Variants in ACBD6 observed in about 807,000 individuals in gnomAD.
The protein encoded by ACBD6 is acyl-CoA binding domain containing 6, also known as acyl-CoA-binding domain-containing protein 6.
A neutral mutation model predicts 37.2 loss-of-function variants in ACBD6; 28 were observed. The observed-to-expected ratio is 0.75, with a 90% CI of 0.56 to 1.03. The LOEUF (loss-of-function observed/expected upper bound fraction) is 1.03. Ranked by LOEUF, ACBD6 falls within the 50% of genes least tolerant of loss-of-function variation. The probability of loss-of-function intolerance (pLI) is 0.00; values close to 1 mark genes in which losing one functional copy is unlikely to be tolerated. For missense variants in ACBD6, 340 were observed against 337.4 expected (o/e 1.01, Z -0.06); for synonymous variants, 113 against 126.8 (o/e 0.89, Z 0.73).
chr1:180,283,058 G>A (rs1287748612), intron 8 of ACBD6, among the ~76,000 whole-genome samples: 1 of 149,004 alleles, frequency 6.7e-6, no homozygotes, highest in East Asian at 2.0e-4. Context: ...TAAGCTTTGG[G>A]CTCCACAAAT....
At chr1:180,420,399 G>A (rs1428021816) in intron 4 of ACBD6, among the ~76,000 whole-genome samples, 1 of 152,190 alleles carries the variant, frequency 6.6e-6, no homozygotes, top group Non-Finnish European at 1.5e-5. Context: ...TATAATGACA[G>A]CATCTCCAAT....
intron 6 of ACBD6, among the ~76,000 whole-genome samples, chr1:180,348,638 T>C (rs1026334509): frequency 2.4e-4 from 36 of 152,218 alleles, no homozygotes; most frequent in African/African-American, 8.7e-4. Flanking sequence ...GTATGAATGC[T>C]GAAGTGTCTG....
rs1648830476 is a variant in ACBD6, at chr1:180,431,982, G to A, written c.385-1720C>T. Among the ~76,000 whole-genome samples the A allele has an allele frequency of 2.6e-5, 4 of 152,122 alleles. No homozygotes were observed. In the South Asian group the frequency reaches 8.3e-4, roughly 31 times the overall value. The stretch of plus-strand genomic sequence containing the variant: ...GCACTTTGGGAGGCTGAGGCAGGTG[G>A]ATCTCTTGAAGCCAGGAGTTTGAGA... On this transcript the variant is annotated intron_variant, in intron 3 of 7. Transcript: ENST00000367595.
intron 4 of ACBD6, among the ~76,000 whole-genome samples, chr1:180,415,967 T>A (rs934832889): frequency 6.6e-6 from 1 of 152,198 alleles, no homozygotes; most frequent in Admixed American, 6.5e-5. Context: ...CATCACCAAA[T>A]ATGCTAGGCA....
At chr1:180,314,603 T>G in intron 7 of ACBD6, 89 bp downstream of exon 7, 1 of 1,111,676 alleles carries the variant, frequency 9.0e-7, no homozygotes, top group Non-Finnish European at 1.3e-6. Context: ...GGTACCTATC[T>G]AAGCACTATA....
chr1:180,280,252 TGA>T (rs1008982722), intron 9 of ACBD6, among the ~76,000 whole-genome samples: 3 of 152,218 alleles, frequency 2.0e-5, no homozygotes, highest in African/African-American at 7.2e-5. Flanking sequence ...TGAAATATTC[TGA>T]GACTCCTTAG....
intron 6 of ACBD6, 43 bp downstream of exon 6, chr1:180,397,473 T>C (rs1654306717): frequency 6.6e-7 from 1 of 1,519,900 alleles, no homozygotes; most frequent in Non-Finnish European, 9.1e-7. Context: ...ATGCGAATTA[T>C]ACTTCAATTT....
At chr1:180,427,058 T>C (rs1305655929) in intron 4 of ACBD6, among the ~76,000 whole-genome samples, 1 of 152,206 alleles carries the variant, frequency 6.6e-6, no homozygotes, top group East Asian at 1.9e-4. Context: ...ATATTGATAC[T>C]TTCTATGACA....
At chr1:180,432,077 C>A (rs949289946) in intron 3 of ACBD6, among the ~76,000 whole-genome samples, 1 of 151,860 alleles carries the variant, frequency 6.6e-6, no homozygotes, top group African/African-American at 2.4e-5. Context: ...CATGGTGGTG[C>A]GTGACTGTAG....
intron 6 of ACBD6, among the ~76,000 whole-genome samples, chr1:180,378,318 T>C (rs954361651): frequency 5.3e-5 from 8 of 152,118 alleles, no homozygotes. Context: ...ATAATTAAAG[T>C]ATAAGGAACG....
chr1:180,355,233 A>G (rs973125485), intron 6 of ACBD6, among the ~76,000 whole-genome samples: 1 of 152,202 alleles, frequency 6.6e-6, no homozygotes, highest in African/African-American at 2.4e-5. Flanking sequence ...CCAAGGTCAC[A>G]TGATTTGTAA....
intron 6 of ACBD6, among the ~76,000 whole-genome samples, chr1:180,378,413 C>T (rs528103659): frequency 3.3e-5 from 5 of 152,270 alleles, no homozygotes; most frequent in East Asian, 3.9e-4. Context: ...AGTAGAAAAA[C>T]TGTTGAAATT....
chr1:180,302,661 C>T (rs982204295), intron 7 of ACBD6, among the ~76,000 whole-genome samples: 1 of 151,726 alleles, frequency 6.6e-6, no homozygotes, highest in African/African-American at 2.4e-5. Context: ...TAATGGGAGA[C>T]TTTAACACCC....
intron 2 of ACBD6, among the ~76,000 whole-genome samples, chr1:180,494,711 T>A (rs1162978410): frequency 6.6e-6 from 1 of 152,186 alleles, no homozygotes; most frequent in Non-Finnish European, 1.5e-5. Flanking sequence ...CTTTTCTAAC[T>A]CTACCTTCTA....
rs112467064 is a variant in ACBD6 at position 180,358,555 on chromosome 1, C to CA, written c.663+38960_663+38961insT. Among the ~76,000 whole-genome samples, 766 of 148,482 alleles carry CA rather than the reference C, an allele frequency of 5.2e-3. 6 individuals carry two copies. Among genetic ancestry groups the CA allele is most frequent in the Non-Finnish European group, 7.6e-3 (509 of 67,174 alleles). On this transcript the variant is annotated intron_variant, in intron 6 of 7. Transcript: ENST00000367595. ...ACATTAGCAATATCATACAGAAACC[C>CA]CAAAAAAAACCCCAAAAGAAAAACA...
chr1:180,338,124 C>T (rs71610919), intron 6 of ACBD6, among the ~76,000 whole-genome samples: 3 of 152,148 alleles, frequency 2.0e-5, no homozygotes, highest in African/African-American at 4.8e-5. Flanking sequence ...TTTATAGATT[C>T]AATGCCATCC....
chr1:180,289,752 A>G (rs2149277474), intron 7 of ACBD6, among the ~76,000 whole-genome samples: 1 of 152,364 alleles, frequency 6.6e-6, no homozygotes, highest in African/African-American at 2.4e-5. Flanking sequence ...AATGAACTAT[A>G]GCTTCACACA....
At chr1:180,371,329 A>T (rs1653255331) in intron 6 of ACBD6, among the ~76,000 whole-genome samples, 1 of 152,110 alleles carries the variant, frequency 6.6e-6, no homozygotes, top group African/African-American at 2.4e-5. Flanking sequence ...GTTGTTAGTG[A>T]TTCATCACAC....
intron 3 of ACBD6, among the ~76,000 whole-genome samples, chr1:180,483,690 C>T (rs773494710): frequency 2.6e-5 from 4 of 152,066 alleles, no homozygotes; most frequent in Non-Finnish European, 5.9e-5. Flanking sequence ...ATTATATATG[C>T]AAAATACATA....
Sources: allele counts gnomAD v4.1 joint callset (sites outside exome capture counted in the v4.1 genomes callset), GRCh38; gene constraint gnomAD v4.1.1; transcripts MANE v1.5; gene names NCBI Gene and HGNC (gene_info 2026-07-23, HGNC 2026-07-21).